PHF8: variants seen among roughly 807,000 people sequenced by gnomAD.
PHF8 encodes PHD finger protein 8.
A neutral mutation model predicts 74.4 loss-of-function variants in PHF8; 9 were observed. The observed-to-expected ratio is 0.12, with a 90% CI of 0.07 to 0.21. The LOEUF is 0.21. Among genes scored for constraint, PHF8 ranks in the 10% least tolerant of loss-of-function variants. The probability of loss-of-function intolerance (pLI) is 1.00; values close to 1 mark genes in which losing one functional copy is unlikely to be tolerated. For missense variants in PHF8, 478 were observed against 816.6 expected, an observed-to-expected ratio of 0.59 and a Z score of 5.05; for synonymous variants, 311 against 316.6, an observed-to-expected ratio of 0.98 and a Z score of 0.19.
chrX:53,969,913 T>C (rs1349143452), intron 18 of PHF8, among the ~76,000 whole-genome samples: 1 of 111,607 alleles, frequency 9.0e-6, no homozygotes, highest in Non-Finnish European at 1.9e-5. Flanking sequence ...GAAAACCGAA[T>C]ACCCATATGC....
chrX:53,951,846 T>G (rs2064928976), intron 19 of PHF8, among the ~76,000 whole-genome samples: 1 of 111,670 alleles, frequency 9.0e-6, no homozygotes, highest in Non-Finnish European at 1.9e-5. Context: ...TAGAAGACAG[T>G]GCGAAGACAT....
chrX:53,942,533 TCACC>T, intron 20 of PHF8: 2 of 158,659 alleles, frequency 1.3e-5, no homozygotes, highest in Non-Finnish European at 2.1e-5. Context: ...ATTCATTCAC[TCACC>T]CACCCACCCC....
chrX:53,957,301 C>A (rs1379166651), intron 19 of PHF8, among the ~76,000 whole-genome samples: 1 of 109,343 alleles, frequency 9.1e-6, no homozygotes, highest in Non-Finnish European at 1.9e-5. Context: ...TGCAGTGGGC[C>A]GGGATCTCGC....
intron 18 of PHF8, among the ~76,000 whole-genome samples, chrX:53,976,687 T>TA (rs782651624): frequency 0.18 from 13,710 of 77,311 alleles, 1,078 homozygotes; most frequent in African/African-American, 0.28. Context: ...CTTTTTAAGT[T>TA]AAAAAAAAAA....
intron 18 of PHF8, among the ~76,000 whole-genome samples, chrX:53,982,828 C>CTA (rs1259476396): frequency 8.9e-6 from 1 of 112,449 alleles, no homozygotes; most frequent in African/African-American, 3.2e-5. Flanking sequence ...ATTTTAACTC[C>CTA]TATACAAGTT....
Position 54,044,003 on chromosome X carries a change from A to G in PHF8, c.-334T>C. On this transcript the variant is annotated 5_prime_UTR_variant, in exon 1 of 22. Transcript: ENST00000338154. ...ACGGCGACGCGCGTCGAATTCTGGG[A>G]TAGTCCCCGTACCGCCGGGAACCTC... The G allele has an allele frequency of 1.3e-6, 1 of 754,832 alleles. No homozygotes were observed. Among genetic ancestry groups the G allele is most frequent in the Non-Finnish European group, 1.6e-6 (1 of 639,304 alleles). 62.2% of individuals were successfully genotyped at this position (754,832 alleles called of 1,213,427 possible).
intron 2 of PHF8, among the ~76,000 whole-genome samples, chrX:54,034,952 G>C (rs1158445202): frequency 5.4e-5 from 6 of 110,359 alleles, no homozygotes; most frequent in African/African-American, 2.0e-4. Context: ...CTGCAGGTGA[G>C]CCGTGACTGT....
chrX:53,955,103 A>T (rs1557088279), intron 19 of PHF8, among the ~76,000 whole-genome samples: 2 of 111,709 alleles, frequency 1.8e-5, no homozygotes, highest in African/African-American at 6.5e-5. Context: ...GTTATTACTA[A>T]TATAGTACTT....
chrX:54,019,459 CA>C (rs1245549870), intron 4 of PHF8, among the ~76,000 whole-genome samples: 4 of 104,216 alleles, frequency 3.8e-5, no homozygotes, highest in Admixed American at 2.1e-4. Context: ...GACCCTGTCT[CA>C]AAAAAAAAAT....
At chrX:54,032,720 T>A (rs782258482) in intron 2 of PHF8, among the ~76,000 whole-genome samples, 1 of 102,914 alleles carries the variant, frequency 9.7e-6, no homozygotes, top group Non-Finnish European at 2.0e-5. Context: ...CCCACCCCGG[T>A]GTCCAGAACA....
intron 14 of PHF8, among the ~76,000 whole-genome samples, chrX:53,988,886 C>A (rs1468682984): frequency 9.1e-6 from 1 of 110,398 alleles, no homozygotes; most frequent in East Asian, 2.8e-4. Flanking sequence ...GCTTTACTGG[C>A]ATAATCATTT....
At chrX:54,032,344 G>A (rs782503052) in intron 2 of PHF8, among the ~76,000 whole-genome samples, 2 of 110,719 alleles carry the variant, frequency 1.8e-5, no homozygotes, top group Non-Finnish European at 3.8e-5. Context: ...TGCTGTATAT[G>A]ATCTGCACAC....
chrX:54,031,925 A>G (rs2066364965), intron 2 of PHF8, among the ~76,000 whole-genome samples: 1 of 111,605 alleles, frequency 9.0e-6, no homozygotes, highest in African/African-American at 3.3e-5. Context: ...GGTTGGGCCT[A>G]TAAACGTGCA....
At chrX:53,971,725 A>T (rs2065294092) in intron 18 of PHF8, among the ~76,000 whole-genome samples, 1 of 111,421 alleles carries the variant, frequency 9.0e-6, no homozygotes, top group African/African-American at 3.3e-5. Context: ...TAAACTAGAA[A>T]ATCTGGAAGA....
At chrX:54,023,305 C>CT (rs1254679363) in intron 2 of PHF8, among the ~76,000 whole-genome samples, 2 of 110,350 alleles carry the variant, frequency 1.8e-5, no homozygotes, top group Non-Finnish European at 3.8e-5. Flanking sequence ...ACTTGAGATA[C>CT]TTTATTAAAC....
At chrX:54,019,508 G>A (rs2066129223) in intron 4 of PHF8, among the ~76,000 whole-genome samples, 1 of 104,380 alleles carries the variant, frequency 9.6e-6, no homozygotes, top group Admixed American at 1.0e-4. Context: ...ATACAAGTGT[G>A]AGCTGAGTAC....
At chrX:54,042,505 G>A in intron 2 of PHF8, 126 bp downstream of exon 2, 1 of 570,938 alleles carries the variant, frequency 1.8e-6, no homozygotes, top group East Asian at 3.6e-5. Context: ...AAGGAGAGAT[G>A]GCAGAACCTG....
chrX:53,964,695 GTCTC>G (rs1338618451), intron 18 of PHF8, among the ~76,000 whole-genome samples: 3 of 110,058 alleles, frequency 2.7e-5, no homozygotes, highest in African/African-American at 9.9e-5. Flanking sequence ...ACGAAACTCT[GTCTC>G]TATTAAAAAT....
intron 18 of PHF8, among the ~76,000 whole-genome samples, chrX:53,980,239 T>C: frequency 9.0e-6 from 1 of 111,341 alleles, no homozygotes; most frequent in Non-Finnish European, 1.9e-5. Context: ...GACCTACCCC[T>C]AGTATTCAGA....
Sources: allele counts gnomAD v4.1 joint callset (sites outside exome capture counted in the v4.1 genomes callset), GRCh38; gene constraint gnomAD v4.1.1; transcripts MANE v1.5; gene names NCBI Gene and HGNC (gene_info 2026-07-23, HGNC 2026-07-21).